Variants in HLCS observed in about 807,000 individuals in gnomAD.
The protein encoded by HLCS is holocarboxylase synthetase.
Under a neutral mutation model 75.0 loss-of-function variants are expected in HLCS, and 53 were observed. That is an observed-to-expected ratio of 0.71 (90% CI 0.57 to 0.89). HLCS has a LOEUF of 0.89. HLCS is among the 40% of genes least tolerant of loss of function. HLCS has a pLI of 0.00. For synonymous variants in HLCS, 431 were observed against 428.6 expected (o/e 1.01, Z -0.07); for missense variants, 966 against 1,074.0 (o/e 0.90, Z 1.41).
chr21:36,933,376 C>T (rs535960760), intron 4 of HLCS, among the ~76,000 whole-genome samples: 4 of 151,688 alleles, frequency 2.6e-5, no homozygotes, highest in Non-Finnish European at 5.9e-5. Context: ...ATGGTGAAAC[C>T]GTCTCTACTA....
chr21:36,876,097 C>G (rs2063964234), intron 6 of HLCS, among the ~76,000 whole-genome samples: 1 of 152,134 alleles, frequency 6.6e-6, no homozygotes, highest in African/African-American at 2.4e-5. Context: ...ACTGGCCTGC[C>G]TGTGCACAGT....
Position 36,752,483 on chromosome 21 carries a change from TAG to T in HLCS, c.*1761_*1762del, listed in dbSNP as rs886057067. On this transcript the variant is annotated 3_prime_UTR_variant, in exon 11 of 11. Transcript: ENST00000674895. ...GTCTGAGAAATGAAACCTACATCGTTAGCCTCGAGATCTTTGTCCCTGATGAT... is the reference window on the plus strand; with the variant it reads ...GTCTGAGAAATGAAACCTACATCGTTCCTCGAGATCTTTGTCCCTGATGAT... The T allele has an allele frequency of 2.0e-5, 3 of 152,602 alleles. No individual in the cohort carries two copies. 9.5% of individuals were successfully genotyped at this position (152,602 alleles called of 1,614,324 possible). A position where few individuals can be genotyped will look rare whatever the true frequency, so the allele number is the denominator to read the frequency against.
chr21:36,897,857 G>A (rs1451948977), intron 5 of HLCS, among the ~76,000 whole-genome samples: 1 of 152,160 alleles, frequency 6.6e-6, no homozygotes, highest in Non-Finnish European at 1.5e-5. Context: ...AGACCTTAGA[G>A]GTCCCAGAGG....
At chr21:36,755,620 C>T (rs1317501605) in intron 10 of HLCS, among the ~76,000 whole-genome samples, 1 of 152,242 alleles carries the variant, frequency 6.6e-6, no homozygotes, top group Non-Finnish European at 1.5e-5. Flanking sequence ...TCCAGGATCA[C>T]ACACATTACA....
chr21:36,841,341 T>C (rs2062607785), intron 6 of HLCS, among the ~76,000 whole-genome samples: 1 of 152,206 alleles, frequency 6.6e-6, no homozygotes, highest in Non-Finnish European at 1.5e-5. Flanking sequence ...ACAATGTGTG[T>C]CAAGATCCAG....
At chr21:36,964,741 A>C (rs576534532) in intron 1 of HLCS, among the ~76,000 whole-genome samples, 33 of 152,348 alleles carry the variant, frequency 2.2e-4, no homozygotes, top group African/African-American at 7.7e-4. Context: ...AGTTAACAGA[A>C]GGCCAGCGGA....
intron 6 of HLCS, among the ~76,000 whole-genome samples, chr21:36,858,642 T>G (rs1892912): frequency 0.94 from 142,844 of 152,266 alleles, 67,107 homozygotes; most frequent in East Asian, 1. Context: ...CATCAAGGGC[T>G]GAGGAGGCCT....
chr21:36,764,180 C>G (rs1438961779), intron 8 of HLCS, among the ~76,000 whole-genome samples: 12 of 152,196 alleles, frequency 7.9e-5, no homozygotes, highest in Admixed American at 7.8e-4. Flanking sequence ...GGGCGGATCA[C>G]AAGGTCAAGA....
intron 6 of HLCS, among the ~76,000 whole-genome samples, chr21:36,797,205 T>C (rs2061053751): frequency 6.6e-6 from 1 of 152,162 alleles, no homozygotes; most frequent in Non-Finnish European, 1.5e-5. Context: ...ACATAACTCA[T>C]GGCTGTACCA....
rs1169584817 is a variant in HLCS, at chr21:36,965,876, G to A, written c.195+568C>T. ...AGTGACCCTCCCGCCTCACCCTCCAGAGTAGCTGGGACTACAGGCGCGTGC... is the reference window on the plus strand; with the variant it reads ...AGTGACCCTCCCGCCTCACCCTCCAAAGTAGCTGGGACTACAGGCGCGTGC... On this transcript the variant is annotated intron_variant, in intron 1 of 10. Transcript: ENST00000674895. Among the ~76,000 whole-genome samples the A allele has an allele frequency of 3.3e-5, 5 of 152,036 alleles. No individual in the cohort carries two copies. The East Asian group carries it at 9.6e-4, about 29-fold the overall frequency.
chr21:36,921,121 C>G (rs2146447851), intron 5 of HLCS, among the ~76,000 whole-genome samples: 1 of 152,272 alleles, frequency 6.6e-6, no homozygotes, highest in South Asian at 2.1e-4. Context: ...CTAGGGCATA[C>G]AAAAGCAAAC....
chr21:36,821,876 G>A (rs1310336342), intron 6 of HLCS, among the ~76,000 whole-genome samples: 2 of 152,036 alleles, frequency 1.3e-5, no homozygotes, highest in Admixed American at 6.6e-5. Context: ...AATGGAGAAA[G>A]GGAAGGGAGG....
chr21:36,848,547 C>T (rs2062877117), intron 6 of HLCS, among the ~76,000 whole-genome samples: 1 of 152,156 alleles, frequency 6.6e-6, no homozygotes, highest in Admixed American at 6.5e-5. Context: ...GGATTACAGG[C>T]TTGAGCCACC....
intron 1 of HLCS, among the ~76,000 whole-genome samples, chr21:36,978,802 C>T (rs2069016791): frequency 6.6e-6 from 1 of 152,182 alleles, no homozygotes; most frequent in South Asian, 2.1e-4. Flanking sequence ...GCGGACTCAG[C>T]TGGGAACTCC....
At chr21:36,911,764 A>C (rs1275323309) in intron 5 of HLCS, among the ~76,000 whole-genome samples, 1 of 150,766 alleles carries the variant, frequency 6.6e-6, no homozygotes, top group African/African-American at 2.4e-5. Flanking sequence ...AAAAAAAAAA[A>C]AAAAAAAACA....
intron 6 of HLCS, among the ~76,000 whole-genome samples, chr21:36,880,691 CCCACACTCCGATT>C (rs1444072867): frequency 1.3e-5 from 2 of 152,098 alleles, no homozygotes; most frequent in African/African-American, 4.8e-5. Flanking sequence ...CATATCAGAC[CCCACACTCCGATT>C]CCACGGCAGG....
chr21:36,932,963 C>G (rs1055386259), intron 4 of HLCS, among the ~76,000 whole-genome samples: 2 of 152,052 alleles, frequency 1.3e-5, no homozygotes, highest in African/African-American at 4.8e-5. Context: ...ACTAAAAATA[C>G]AAAAATCAGC....
intron 6 of HLCS, among the ~76,000 whole-genome samples, chr21:36,860,493 G>C (rs1462459299): frequency 6.6e-6 from 1 of 152,180 alleles, no homozygotes; most frequent in Non-Finnish European, 1.5e-5. Flanking sequence ...CCAAGTTCAA[G>C]TTTTATTTGG....
chr21:36,966,822 G>GA (rs965642540), upstream of HLCS, among the ~76,000 whole-genome samples: 96 of 147,856 alleles, frequency 6.5e-4, 6 homozygotes, highest in East Asian at 0.018. Context: ...GGGAGGGGCG[G>GA]GGGGGGGTGA....
Sources: gnomAD v4.1 joint callset for allele counts (sites outside exome capture counted in the v4.1 genomes callset) on GRCh38, gnomAD v4.1.1 for gene constraint, MANE v1.5 for transcripts, NCBI Gene and HGNC (gene_info 2026-07-23, HGNC 2026-07-21) for gene names.